ITGA11: variants seen among roughly 807,000 people sequenced by gnomAD.
ITGA11 encodes the protein integrin alpha-11.
A neutral mutation model predicts 141.9 loss-of-function variants in ITGA11; 97 were observed. That is an observed-to-expected ratio of 0.68 (90% CI 0.58 to 0.81). ITGA11 has a LOEUF of 0.81. Among genes scored for constraint, ITGA11 ranks in the 30% least tolerant of loss-of-function variants. The probability of loss-of-function intolerance (pLI) is 0.00; values close to 1 mark genes in which losing one functional copy is unlikely to be tolerated. For synonymous variants in ITGA11, 658 were observed against 624.6 expected (o/e 1.05, Z -0.80); for missense variants, 1,387 against 1,559.2 (o/e 0.89, Z 1.86).
chr15:68,407,618 T>G (rs937970836), intron 1 of ITGA11, among the ~76,000 whole-genome samples: 1 of 152,224 alleles, frequency 6.6e-6, no homozygotes, highest in Non-Finnish European at 1.5e-5. Context: ...CTTGCCACTG[T>G]TCTGCCCTTG....
At chr15:68,353,670 T>C (rs78027803) in intron 7 of ITGA11, among the ~76,000 whole-genome samples, 5,363 of 152,236 alleles carry the variant, frequency 0.035, 333 homozygotes, top group African/African-American at 0.12. Flanking sequence ...ATTTGTTCCT[T>C]TGTAAATTAG....
Position 68,299,863 on chromosome 15 carries a change from T to G in ITGA11, c.*3196A>C, listed in dbSNP as rs2140252774. ...GTCCCTAGGCAGAGCTATTCCATAGTGTCTCCATTGTGTTTGCATTAGCAC... is the reference window on the plus strand; with the variant it reads ...GTCCCTAGGCAGAGCTATTCCATAGGGTCTCCATTGTGTTTGCATTAGCAC... On this transcript the variant is annotated 3_prime_UTR_variant, in exon 30 of 30. Transcript: ENST00000315757. The G allele has an allele frequency of 6.6e-6, 1 of 152,338 alleles. No individual in the cohort carries two copies. The highest frequency in any genetic ancestry group is 2.1e-4 in the South Asian group (1 of 4,824). 9.4% of individuals were successfully genotyped at this position (152,338 alleles called of 1,614,324 possible).
Position 68,348,884 on chromosome 15 carries a change from C to T in ITGA11, c.1077G>A (p.Glu359=). ...GTGACATCTCCAGCCCAAAGGAGGT[C>T]TCGTTCTTGTTGGTGCCTGCAACAG... ...IFSLEGTNKN[E]TSFGLEMSQT... Residue 359 remains glutamate (E), a synonymous_variant, in exon 10 of 30, where the codon GAG becomes GAA. Coordinates refer to ENST00000315757, the MANE Select transcript of ITGA11 (RefSeq NM_001004439.2). 1 of 1,607,890 alleles carries T rather than the reference C, an allele frequency of 6.2e-7. No homozygotes were observed. The highest frequency in any genetic ancestry group is 8.5e-7 in the Non-Finnish European group (1 of 1,177,214).
At chr15:68,365,177 C>T (rs925551014) in intron 3 of ITGA11, 23 of 985,446 alleles carry the variant, frequency 2.3e-5, no homozygotes, top group Non-Finnish European at 2.7e-5. Context: ...AGTATCCCCG[C>T]TACGCTTTCT....
intron 2 of ITGA11, among the ~76,000 whole-genome samples, chr15:68,386,781 A>T (rs1311746514): frequency 6.6e-6 from 1 of 151,982 alleles, no homozygotes; most frequent in Non-Finnish European, 1.5e-5. Flanking sequence ...CAGCCTTGGG[A>T]GTCTGCAGGC....
chr15:68,409,782 A>G (rs183449649), intron 1 of ITGA11, among the ~76,000 whole-genome samples: 206 of 152,292 alleles, frequency 1.4e-3, no homozygotes, highest in African/African-American at 4.8e-3. Context: ...TATCATTCTC[A>G]TTTTAAAGAT....
In ITGA11 at chr15:68,322,816, C is replaced by CCACT. The variant is rs2140291258; in HGVS notation, c.2323-1317_2323-1314dup. Among the ~76,000 whole-genome samples, 1 of 151,292 alleles carries CCACT rather than the reference C, an allele frequency of 6.6e-6. No homozygotes were observed. Among genetic ancestry groups the CCACT allele is most frequent in the African/African-American group, 2.4e-5 (1 of 41,168 alleles). ...GAGGCTGCAGTGGGCCAAGATCGTGCCACTACACTCCAACCTGGGTGACAG... is the reference window on the plus strand; with the variant it reads ...GAGGCTGCAGTGGGCCAAGATCGTGCCACTCACTACACTCCAACCTGGGTGACAG... On this transcript the variant is annotated intron_variant, in intron 18 of 29. Coordinates refer to ENST00000315757, the MANE Select transcript of ITGA11 (RefSeq NM_001004439.2). The surrounding 1 kb of genome is among the most constrained non-coding windows in gnomAD (Gnocchi z 5.6).
intron 20 of ITGA11, among the ~76,000 whole-genome samples, chr15:68,317,779 G>A (rs1424969226): frequency 1.3e-5 from 2 of 152,210 alleles, no homozygotes; most frequent in Admixed American, 6.5e-5. Context: ...CTACAGTTAT[G>A]ATGATTATTT....
At chr15:68,378,378 C>CACA (rs1895779280) in intron 2 of ITGA11, among the ~76,000 whole-genome samples, 1 of 152,176 alleles carries the variant, frequency 6.6e-6, no homozygotes, top group Non-Finnish European at 1.5e-5. Context: ...GGCATGGTGG[C>CACA]ACATGTCTAT....
intron 2 of ITGA11, among the ~76,000 whole-genome samples, chr15:68,387,271 T>G (rs1252292657): frequency 6.6e-6 from 1 of 152,152 alleles, no homozygotes; most frequent in Non-Finnish European, 1.5e-5. Flanking sequence ...CCGCTGTCTC[T>G]GGGCTCTCCC....
At chr15:68,318,329 G>C (rs541203939) in intron 20 of ITGA11, among the ~76,000 whole-genome samples, 48 of 152,302 alleles carry the variant, frequency 3.2e-4, no homozygotes, top group South Asian at 2.1e-4. Context: ...CCCAGGATTA[G>C]GAGCAAGCAT....
At chr15:68,425,101 C>T (rs1011071055) in intron 1 of ITGA11, among the ~76,000 whole-genome samples, 5 of 152,180 alleles carry the variant, frequency 3.3e-5, no homozygotes, top group African/African-American at 1.2e-4. Flanking sequence ...AGTGGGCGCT[C>T]AGCACATGCT....
chr15:68,389,098 T>A (rs1482155332), intron 2 of ITGA11, among the ~76,000 whole-genome samples: 2 of 152,152 alleles, frequency 1.3e-5, no homozygotes, highest in Non-Finnish European at 2.9e-5. Flanking sequence ...GCTGTACTCC[T>A]CTCACCCATG....
chr15:68,406,595 C>G (rs971929174), intron 1 of ITGA11, among the ~76,000 whole-genome samples: 3 of 152,190 alleles, frequency 2.0e-5, no homozygotes, highest in African/African-American at 7.2e-5. Flanking sequence ...GCGTTTATCA[C>G]AAACATATGA....
At chr15:68,430,713 T>C (rs1466761299) in intron 1 of ITGA11, among the ~76,000 whole-genome samples, 4 of 152,236 alleles carry the variant, frequency 2.6e-5, no homozygotes, top group African/African-American at 9.6e-5. Context: ...CATATTGGCC[T>C]GGTGGCAGTT....
intron 1 of ITGA11, among the ~76,000 whole-genome samples, chr15:68,410,411 G>A (rs1425764329): frequency 1.3e-5 from 2 of 152,162 alleles, no homozygotes; most frequent in African/African-American, 4.8e-5. Flanking sequence ...AGTTTTACTT[G>A]GGCCCCAAGA....
intron 11 of ITGA11, among the ~76,000 whole-genome samples, chr15:68,338,656 C>G (rs1894451938): frequency 6.6e-6 from 1 of 152,178 alleles, no homozygotes; most frequent in Non-Finnish European, 1.5e-5. Context: ...AGGGTATTGG[C>G]TAACGAGCTG....
intron 22 of ITGA11, among the ~76,000 whole-genome samples, chr15:68,314,421 C>T (rs1178585153): frequency 6.6e-6 from 1 of 152,098 alleles, no homozygotes; most frequent in Admixed American, 6.5e-5. Flanking sequence ...AGTGTGCCTC[C>T]CTTTATATCT....
chr15:68,424,429 T>C (rs1897091302), intron 1 of ITGA11, among the ~76,000 whole-genome samples: 1 of 152,168 alleles, frequency 6.6e-6, no homozygotes, highest in Non-Finnish European at 1.5e-5. Context: ...ATACCAGTGA[T>C]CCTCCATCTT....
Sources: gnomAD v4.1 joint callset for allele counts (sites outside exome capture counted in the v4.1 genomes callset) on GRCh38, gnomAD v4.1.1 for gene constraint, Gnocchi (gnomAD v3.1) non-coding constraint, MANE v1.5 for transcripts, NCBI Gene and HGNC (gene_info 2026-07-23, HGNC 2026-07-21) for gene names.